Variants in EPC2 observed in about 807,000 individuals in gnomAD.
The protein encoded by EPC2 is enhancer of polycomb homolog 2.
EPC2 carries 14 observed loss-of-function variants against 92.1 expected under a neutral mutation model. The observed-to-expected ratio is 0.15, with a 90% CI of 0.10 to 0.24. The LOEUF (loss-of-function observed/expected upper bound fraction) is 0.24, where lower values mean the gene tolerates loss of function less well. Ranked by LOEUF, EPC2 falls within the 10% of genes least tolerant of loss-of-function variation. The pLI, the probability that EPC2 is intolerant of heterozygous loss-of-function variation, is 1.00. For missense variants in EPC2, 755 were observed against 971.5 expected (o/e 0.78, Z 2.96); for synonymous variants, 340 against 334.7 (o/e 1.02, Z -0.17).
chr2:148,737,326 A>G (rs999594463), intron 2 of EPC2, among the ~76,000 whole-genome samples: 3 of 152,236 alleles, frequency 2.0e-5, no homozygotes, highest in East Asian at 1.9e-4. Context: ...AAATATTTAC[A>G]TGATACTAAA....
chr2:148,762,573 TGACTAGGTGAC>T, intron 5 of EPC2, 86 bp from the exon 6 acceptor site: 1 of 823,544 alleles, frequency 1.2e-6, no homozygotes, highest in Admixed American at 3.7e-5. Context: ...TAGCCCTTTT[TGACTAGGTGAC>T]TTCCAATTAA....
chr2:148,781,342 T>G (rs1262770457), intron 10 of EPC2, among the ~76,000 whole-genome samples: 1 of 152,168 alleles, frequency 6.6e-6, no homozygotes, highest in Non-Finnish European at 1.5e-5. Context: ...TATAGAGAAT[T>G]AAGAGTGGTC....
Position 148,786,384 on chromosome 2 carries a change from A to T in EPC2, c.*7A>T. 2 of 1,603,700 alleles carry T rather than the reference A, an allele frequency of 1.2e-6. No individual in the cohort carries two copies. Among genetic ancestry groups the T allele is most frequent in the Non-Finnish European group, 1.7e-6 (2 of 1,174,404 alleles). On this transcript the variant is annotated 3_prime_UTR_variant, in exon 14 of 14. Coordinates refer to ENST00000258484, the MANE Select transcript of EPC2 (RefSeq NM_015630.4). ...AGCTATGGAAGTGACATAACCTAAA[A>T]CACGTGGCTCTGACCTGTGCTGATG...
At chr2:148,680,353 G>T (rs1178592288) in intron 1 of EPC2, among the ~76,000 whole-genome samples, 4 of 152,138 alleles carry the variant, frequency 2.6e-5, no homozygotes, top group Non-Finnish European at 4.4e-5. Context: ...TTTCTTAATG[G>T]CAGAGACTGT....
At chr2:148,765,952 C>T (rs1324422119) in intron 7 of EPC2, among the ~76,000 whole-genome samples, 2 of 152,144 alleles carry the variant, frequency 1.3e-5, no homozygotes, top group Non-Finnish European at 2.9e-5. Flanking sequence ...AGGAGAATGG[C>T]GTGCACCTGG....
At chr2:148,663,882 A>G (rs1681005088) in intron 1 of EPC2, among the ~76,000 whole-genome samples, 2 of 152,126 alleles carry the variant, frequency 1.3e-5, no homozygotes, top group Admixed American at 1.3e-4. Flanking sequence ...ATGACAATCT[A>G]ATGCTGCCAC....
intron 10 of EPC2, among the ~76,000 whole-genome samples, chr2:148,778,317 G>A (rs182616039): frequency 1.3e-5 from 2 of 152,216 alleles, no homozygotes; most frequent in East Asian, 3.9e-4. Flanking sequence ...ATGGTGCCAC[G>A]ATCACCTCAC....
intron 1 of EPC2, among the ~76,000 whole-genome samples, chr2:148,657,210 TAATC>T (rs1272707762): frequency 6.6e-6 from 1 of 152,190 alleles, no homozygotes; most frequent in African/African-American, 2.4e-5. Flanking sequence ...GCTTGATTAT[TAATC>T]AAGTAATGCA....
At position 148,765,143 on chromosome 2, in the gene EPC2, A is replaced by G. The variant is rs1683385204; in HGVS notation, c.1137A>G (p.Pro379=). The change falls in exon 7 of 14, where the codon CCA becomes CCG. Residue 379 remains proline (P), a synonymous_variant. Transcript: ENST00000258484. The part of the protein sequence containing the change: ...DFHSSDEDEF[P]QVLSPVSEPE... ...ACAGCTCAGATGAAGATGAATTTCC[A>G]CAGGTGCTTGTTTTAAAATATTTTA... 2 of 1,538,300 alleles carry G rather than the reference A, an allele frequency of 1.3e-6. No individual in the cohort carries two copies. The highest frequency in any genetic ancestry group is 1.7e-6 in the Non-Finnish European group (2 of 1,143,034).
intron 2 of EPC2, among the ~76,000 whole-genome samples, chr2:148,726,748 T>G (rs188926880): frequency 1.6e-4 from 24 of 148,812 alleles, no homozygotes; most frequent in Admixed American, 2.7e-4. Flanking sequence ...TTGGGTTTTT[T>G]TTTTGTTTTG....
At chr2:148,663,111 T>C (rs948134971) in intron 1 of EPC2, among the ~76,000 whole-genome samples, 1 of 151,336 alleles carries the variant, frequency 6.6e-6, no homozygotes, top group African/African-American at 2.4e-5. Flanking sequence ...CAGCACACTC[T>C]TGTGGGAAAG....
intron 2 of EPC2, among the ~76,000 whole-genome samples, chr2:148,703,467 A>G (rs1681928779): frequency 6.6e-6 from 1 of 152,142 alleles, no homozygotes; most frequent in Non-Finnish European, 1.5e-5. Flanking sequence ...AAAGGAAACA[A>G]AAAACGTTTC....
intron 2 of EPC2, among the ~76,000 whole-genome samples, chr2:148,697,696 T>C (rs1215572768): frequency 1.3e-5 from 2 of 152,174 alleles, no homozygotes; most frequent in Non-Finnish European, 2.9e-5. Flanking sequence ...CCTTAAGTGC[T>C]TCCATTCAAA....
intron 2 of EPC2, among the ~76,000 whole-genome samples, chr2:148,700,633 A>G (rs1214709391): frequency 6.6e-6 from 1 of 150,416 alleles, no homozygotes; most frequent in Non-Finnish European, 1.5e-5. Flanking sequence ...TGTTTTGTTT[A>G]TAATAGCTTC....
rs1381945224 is a variant in EPC2 at position 148,689,969 on chromosome 2, A to T, written c.154-245A>T. 4.1e-5 allele frequency among the ~76,000 whole-genome samples: 6 copies of T among 147,212 alleles called. No individual in the cohort carries two copies. In the Admixed American group the frequency reaches 4.3e-4, roughly 10 times the overall value. ...AAATTTTATATTCTAGTTTCTGAGT[A>T]TATATTTAATTTTGTTTAAAAAATT... On this transcript the variant is annotated intron_variant, in intron 1 of 13. Transcript: ENST00000258484.
chr2:148,717,330 G>A (rs1237616859), intron 2 of EPC2, among the ~76,000 whole-genome samples: 2 of 151,122 alleles, frequency 1.3e-5, no homozygotes, highest in Non-Finnish European at 2.9e-5. Flanking sequence ...TAGCTGTGTT[G>A]TTAGGTTGTT....
chr2:148,728,070 G>T (rs1682533340), intron 2 of EPC2, among the ~76,000 whole-genome samples: 1 of 152,036 alleles, frequency 6.6e-6, no homozygotes, highest in East Asian at 1.9e-4. Flanking sequence ...GCTCACTGCA[G>T]CCTCAACTTT....
At chr2:148,762,007 G>C (rs978756449) in intron 5 of EPC2, 77 bp downstream of exon 5, 33 of 1,244,082 alleles carry the variant, frequency 2.7e-5, no homozygotes, top group East Asian at 1.3e-4. Flanking sequence ...AGATTTTTAG[G>C]GGGGAACAGG....
At chr2:148,716,152 A>G (rs1224848137) in intron 2 of EPC2, among the ~76,000 whole-genome samples, 3 of 152,190 alleles carry the variant, frequency 2.0e-5, no homozygotes, top group Non-Finnish European at 4.4e-5. Context: ...TAGAAATAGG[A>G]TCATTTTATC....
Sources: allele counts gnomAD v4.1 joint callset (sites outside exome capture counted in the v4.1 genomes callset), GRCh38; gene constraint gnomAD v4.1.1; transcripts MANE v1.5; gene names NCBI Gene and HGNC (gene_info 2026-07-23, HGNC 2026-07-21).